PGAP1: variants seen among roughly 807,000 people sequenced by gnomAD.
PGAP1 encodes the protein GPI inositol-deacylase.
A neutral mutation model predicts 127.0 loss-of-function variants in PGAP1; 76 were observed. That is an observed-to-expected ratio of 0.60 (90% confidence interval 0.50 to 0.72). The LOEUF is 0.72. PGAP1 is among the 30% of genes least tolerant of loss of function. The pLI, the probability that PGAP1 is intolerant of heterozygous loss-of-function variation, is 0.00. For synonymous variants in PGAP1, 362 were observed against 366.5 expected (o/e 0.99, Z 0.14); for missense variants, 982 against 1,071.3 (o/e 0.92, Z 1.16).
At chr2:196,848,226 T>G (rs1700614745) in intron 20 of PGAP1, among the ~76,000 whole-genome samples, 189 bp from the exon 21 acceptor site, 1 of 152,114 alleles carries the variant, frequency 6.6e-6, no homozygotes, top group Admixed American at 6.5e-5. Context: ...AGAGTACACA[T>G]TCAATCACTT....
intron 20 of PGAP1, among the ~76,000 whole-genome samples, chr2:196,854,252 T>G (rs1012177487): frequency 6.6e-6 from 1 of 152,088 alleles, no homozygotes; most frequent in Non-Finnish European, 1.5e-5. Context: ...GATTTTCTAG[T>G]TGGGCCCCTG....
Position 196,836,895 on chromosome 2 carries a change from C to G in PGAP1, c.*4339G>C, listed in dbSNP as rs1700252221. 1 of 152,108 alleles carries G rather than the reference C, an allele frequency of 6.6e-6. No individual in the cohort carries two copies. The highest frequency in any genetic ancestry group is 1.5e-5 in the Non-Finnish European group (1 of 68,010). 9.4% of individuals were successfully genotyped at this position (152,108 alleles called of 1,614,324 possible). A position where few individuals can be genotyped will look rare whatever the true frequency, so the allele number is the denominator to read the frequency against. On this transcript the variant is annotated 3_prime_UTR_variant, in exon 27 of 27. Coordinates refer to ENST00000354764, the MANE Select transcript of PGAP1 (RefSeq NM_024989.4). The stretch of plus-strand genomic sequence containing the variant: ...GTAAATTTTACAAAGTATCTTGTTT[C>G]CTGTAATATACAAGTTCACAAATCC...
chr2:196,885,780 G>T, intron 11 of PGAP1, 54 bp downstream of exon 11: 1 of 1,133,050 alleles, frequency 8.8e-7, no homozygotes, highest in Non-Finnish European at 1.2e-6. Context: ...TAAAAGTGTG[G>T]TTTCCGAGTA....
chr2:196,859,124 C>G (rs1319927131), intron 20 of PGAP1, among the ~76,000 whole-genome samples: 1 of 152,002 alleles, frequency 6.6e-6, no homozygotes, highest in East Asian at 1.9e-4. Flanking sequence ...GTCAGGAGTT[C>G]AAGACCAGCC....
chr2:196,890,002 T>G (rs891014560), intron 10 of PGAP1, among the ~76,000 whole-genome samples: 4 of 151,980 alleles, frequency 2.6e-5, no homozygotes, highest in Non-Finnish European at 5.9e-5. Flanking sequence ...TGGCGTGATC[T>G]CAACTCATTG....
At chr2:196,878,789 AATT>A (rs1701641000) in intron 13 of PGAP1, among the ~76,000 whole-genome samples, 1 of 152,080 alleles carries the variant, frequency 6.6e-6, no homozygotes, top group African/African-American at 2.4e-5. Flanking sequence ...ATCCTTTCAA[AATT>A]ATTATTTACT....
At chr2:196,867,235 T>C (rs1397824564) in intron 19 of PGAP1, among the ~76,000 whole-genome samples, 1 of 150,210 alleles carries the variant, frequency 6.7e-6, no homozygotes, top group Admixed American at 6.6e-5. Flanking sequence ...AATCAACCCA[T>C]CAATGATAGA....
intron 21 of PGAP1, chr2:196,847,416 G>T: frequency 2.6e-6 from 1 of 383,902 alleles, no homozygotes; most frequent in Non-Finnish European, 4.6e-6. Context: ...TTTCAGTATA[G>T]CTTTACTAAT....
At chr2:196,874,068 T>C (rs2125801331) in intron 14 of PGAP1, 1 of 203,532 alleles carries the variant, frequency 4.9e-6, no homozygotes, top group Middle Eastern at 2.1e-3. Flanking sequence ...ATATGGGTGA[T>C]TCAGAATTGT....
At position 196,835,079 on chromosome 2, in the gene PGAP1, C is replaced by A. The variant is rs76971719; in HGVS notation, c.*6155G>T. ...TGAGGAACTGAAATTTCCTTAGAAT[C>A]TTTATGGGGAGAAATTGAAGCACTT... On this transcript the variant is annotated 3_prime_UTR_variant, in exon 27 of 27. Transcript: ENST00000354764. 1.7e-4 allele frequency: 26 copies of A among 152,058 alleles called. No homozygotes were observed. The highest frequency in any genetic ancestry group is 3.1e-4 in the Non-Finnish European group (21 of 67,862). 9.4% of individuals were successfully genotyped at this position (152,058 alleles called of 1,614,324 possible). A position where few individuals can be genotyped will look rare whatever the true frequency, so the allele number is the denominator to read the frequency against.
At chr2:196,897,792 G>A (rs1298832167) in intron 6 of PGAP1, among the ~76,000 whole-genome samples, 2 of 152,144 alleles carry the variant, frequency 1.3e-5, no homozygotes, top group Non-Finnish European at 2.9e-5. Context: ...ATGCTATTGG[G>A]TTTTTGGGAG....
intron 5 of PGAP1, among the ~76,000 whole-genome samples, chr2:196,899,795 A>G (rs956564880): frequency 2.6e-5 from 4 of 152,080 alleles, no homozygotes; most frequent in Non-Finnish European, 4.4e-5. Flanking sequence ...ACACTGTGGG[A>G]GGCCGAGGCG....
At chr2:196,879,605 G>GA (rs1701669532) in intron 13 of PGAP1, among the ~76,000 whole-genome samples, 1 of 152,150 alleles carries the variant, frequency 6.6e-6, no homozygotes, top group African/African-American at 2.4e-5. Context: ...TGAGACAGAA[G>GA]AATCACTTGA....
At chr2:196,879,163 T>G (rs555979704) in intron 13 of PGAP1, among the ~76,000 whole-genome samples, 14 of 152,278 alleles carry the variant, frequency 9.2e-5, no homozygotes, top group Non-Finnish European at 1.6e-4. Flanking sequence ...AACCTCTACC[T>G]CCTGGGTTCA....
chr2:196,884,189 C>T (rs1011842656), intron 12 of PGAP1, among the ~76,000 whole-genome samples: 1 of 151,900 alleles, frequency 6.6e-6, no homozygotes, highest in Middle Eastern at 3.2e-3. Flanking sequence ...ATAGAACATC[C>T]AAATTAATCT....
At chr2:196,863,690 G>T (rs1701143041) in intron 20 of PGAP1, among the ~76,000 whole-genome samples, 1 of 152,148 alleles carries the variant, frequency 6.6e-6, no homozygotes, top group East Asian at 1.9e-4. Context: ...CGATTCTCCT[G>T]CCTCAGTCTC....
At chr2:196,874,003 GA>G in intron 14 of PGAP1, 1 of 350,572 alleles carries the variant, frequency 2.9e-6, no homozygotes. Context: ...TCCAATTTCA[GA>G]AAGGTGTACT....
chr2:196,881,154 G>A (rs1701719096), intron 12 of PGAP1, among the ~76,000 whole-genome samples: 2 of 152,102 alleles, frequency 1.3e-5, no homozygotes, highest in African/African-American at 4.8e-5. Flanking sequence ...ATTTGCTAAG[G>A]ATAATGGCCT....
In PGAP1 at chr2:196,926,636, C is replaced by T; in HGVS notation, c.-20G>A. ...AAACATGGTGCCGCCACCACCGCCG[C>T]CGCCGCCGCCGCCCCCTCTACCTCC... On this transcript the variant is annotated 5_prime_UTR_variant, in exon 1 of 27. Coordinates refer to ENST00000354764, the MANE Select transcript of PGAP1 (RefSeq NM_024989.4). 1 of 1,613,036 alleles carries T rather than the reference C, an allele frequency of 6.2e-7. No individual in the cohort carries two copies. Among genetic ancestry groups the T allele is most frequent in the South Asian group, 1.1e-5 (1 of 91,048 alleles).
Sources: allele counts gnomAD v4.1 joint callset (sites outside exome capture counted in the v4.1 genomes callset), GRCh38; gene constraint gnomAD v4.1.1; transcripts MANE v1.5; gene names NCBI Gene and HGNC (gene_info 2026-07-23, HGNC 2026-07-21).